The following CHUK variants were observed in gnomAD, a reference collection of about 807,000 sequenced individuals.
CHUK encodes component of inhibitor of nuclear factor kappa B kinase complex.
A neutral mutation model predicts 104.8 loss-of-function variants in CHUK; 35 were observed. The observed-to-expected ratio is 0.33, with a 90% CI of 0.26 to 0.44. The LOEUF (loss-of-function observed/expected upper bound fraction) is 0.44, where lower values mean the gene tolerates loss of function less well. CHUK is among the 20% of genes least tolerant of loss of function. The pLI is 1.00. For missense variants in CHUK, 663 were observed against 902.7 expected (o/e 0.73, Z 3.40); for synonymous variants, 276 against 291.9 (o/e 0.95, Z 0.56).
intron 1 of CHUK, among the ~76,000 whole-genome samples, chr10:100,226,232 C>T (rs546137167): frequency 6.6e-6 from 1 of 152,172 alleles, no homozygotes; most frequent in African/African-American, 2.4e-5. Flanking sequence ...CAACAGCATA[C>T]AAGGGAAAAG....
chr10:100,191,848 G>A (rs1018498167), intron 19 of CHUK, among the ~76,000 whole-genome samples: 4 of 152,204 alleles, frequency 2.6e-5, no homozygotes, highest in African/African-American at 9.7e-5. Flanking sequence ...GCTGGACATG[G>A]TGGCTCATGC....
At chr10:100,194,161 T>A (rs1158116790) in intron 17 of CHUK, 30 bp from the exon 18 acceptor site, 1 of 1,611,410 alleles carries the variant, frequency 6.2e-7, no homozygotes, top group Non-Finnish European at 8.5e-7. Context: ...GTCAGACACT[T>A]TCACATGCCC....
chr10:100,193,644 A>C, intron 18 of CHUK: 1 of 619,298 alleles, frequency 1.6e-6, no homozygotes, highest in Non-Finnish European at 2.8e-6. Context: ...ATATCCACTC[A>C]TCTTATACCA....
intron 1 of CHUK, among the ~76,000 whole-genome samples, chr10:100,226,224 A>G (rs1445319819): frequency 6.6e-6 from 1 of 152,148 alleles, no homozygotes; most frequent in African/African-American, 2.4e-5. Flanking sequence ...CAAACACACA[A>G]CAGCATACAA....
intron 18 of CHUK, 103 bp downstream of exon 18, chr10:100,193,881 T>C (rs1449816739): frequency 9.8e-7 from 1 of 1,020,286 alleles, no homozygotes; most frequent in Non-Finnish European, 1.5e-6. Context: ...ATGCAAAATA[T>C]ACATGTCTTC....
At chr10:100,215,045 G>A (rs1845820590) in intron 9 of CHUK, among the ~76,000 whole-genome samples, 2 of 151,848 alleles carry the variant, frequency 1.3e-5, no homozygotes, top group African/African-American at 4.8e-5. Context: ...GACCAGCCTG[G>A]CCAACATGGT....
At chr10:100,193,479 G>A in intron 18 of CHUK, 48 bp from the exon 19 acceptor site, 1 of 1,607,660 alleles carries the variant, frequency 6.2e-7, no homozygotes, top group Non-Finnish European at 8.5e-7. Context: ...AAGCATCTCT[G>A]TTGATTCACA....
Position 100,205,209 on chromosome 10 carries a change from A to G in CHUK, c.1232-10T>C, listed in dbSNP as rs892082752. On this transcript the variant is annotated splice_polypyrimidine_tract_variant and intron_variant, in intron 11 of 20. Transcript: ENST00000370397. ...ATTTTGCTGTCCTGTACTATATACAAGAAGATGAGAAAAAGGGCAAGGGAG... is the reference window on the plus strand; with the variant it reads ...ATTTTGCTGTCCTGTACTATATACAGGAAGATGAGAAAAAGGGCAAGGGAG... 25 of 1,613,772 alleles carry G rather than the reference A, an allele frequency of 1.5e-5. No individual in the cohort carries two copies. The highest frequency in any genetic ancestry group is 1.9e-5 in the Non-Finnish European group (23 of 1,179,672).
chr10:100,210,697 T>C (rs180870520), intron 9 of CHUK, among the ~76,000 whole-genome samples: 2 of 152,332 alleles, frequency 1.3e-5, no homozygotes, highest in Admixed American at 1.3e-4. Context: ...GGAAAAAGCA[T>C]TGTTATGCGT....
intron 9 of CHUK, 122 bp downstream of exon 9, chr10:100,217,873 T>A: frequency 9.1e-7 from 1 of 1,094,246 alleles, no homozygotes; most frequent in East Asian, 2.6e-5. Flanking sequence ...TGAGACCCTG[T>A]CTCAAAATAA....
At chr10:100,220,440 A>G (rs1845960438) in intron 5 of CHUK, 148 bp downstream of exon 5, 2 of 649,734 alleles carry the variant, frequency 3.1e-6, no homozygotes, top group African/African-American at 1.8e-5. Context: ...AAAACTAAAC[A>G]CAAAACTACA....
In CHUK at chr10:100,189,288, G is replaced by A. The variant is rs1282130757; in HGVS notation, c.*310C>T. The A allele has an allele frequency of 3.1e-6, 1 of 324,748 alleles. No homozygotes were observed. Among genetic ancestry groups the A allele is most frequent in the Non-Finnish European group, 5.7e-6 (1 of 174,536 alleles). The allele number at this position is 324,748 out of a possible 1,614,324, so 20.1% of individuals were successfully genotyped here. A position where few individuals can be genotyped will look rare whatever the true frequency, so the allele number is the denominator to read the frequency against. On this transcript the variant is annotated 3_prime_UTR_variant, in exon 21 of 21. Coordinates refer to ENST00000370397, the MANE Select transcript of CHUK (RefSeq NM_001278.5). ...AAGGTATTTTTAATCAGTTAAATAA[G>A]TAATGTTTTACCAAGACTGAAGGCA... is the stretch of plus-strand genomic sequence containing the variant.
chr10:100,216,554 A>G (rs1338990953), intron 9 of CHUK, among the ~76,000 whole-genome samples: 1 of 152,204 alleles, frequency 6.6e-6, no homozygotes, highest in Non-Finnish European at 1.5e-5. Context: ...AAATTTAAAA[A>G]TTAGGCAGGA....
chr10:100,209,864 G>A (rs1386794213), intron 9 of CHUK, 75 bp from the exon 10 acceptor site: 1 of 700,278 alleles, frequency 1.4e-6, no homozygotes, highest in Non-Finnish European at 2.5e-6. Flanking sequence ...ATACTAAAAG[G>A]TGAATATGGG....
intron 1 of CHUK, 23 bp from the exon 2 acceptor site, chr10:100,226,040 G>GAA (rs572441235): frequency 5.4e-6 from 7 of 1,307,786 alleles, no homozygotes; most frequent in East Asian, 2.4e-5. Flanking sequence ...AAAATCAACA[G>GAA]AAAAAAAAAA....
chr10:100,192,151 A>G (rs1845220611), intron 19 of CHUK, among the ~76,000 whole-genome samples: 1 of 152,206 alleles, frequency 6.6e-6, no homozygotes, highest in African/African-American at 2.4e-5. Flanking sequence ...TCTAGAAAAT[A>G]CATTGAAAAT....
At chr10:100,186,370 C>T, downstream of CHUK, 1 of 248,220 alleles carries the variant, frequency 4.0e-6, no homozygotes. Context: ...CGGAGCCCCA[C>T]TGTGTGGCAC....
chr10:100,194,805 T>G (rs895305253), intron 16 of CHUK: 1 of 234,586 alleles, frequency 4.3e-6, no homozygotes, highest in African/African-American at 2.3e-5. Flanking sequence ...TGGCTATCTT[T>G]AACCCATACT....
chr10:100,204,561 G>A lies in CHUK; in HGVS notation c.1452C>T (p.His484=), dbSNP rs2134221533. 6.2e-7 allele frequency: 1 copy of A among 1,613,410 alleles called. No individual in the cohort carries two copies. Among genetic ancestry groups the A allele is most frequent in the Non-Finnish European group, 8.5e-7 (1 of 1,179,496 alleles). The change falls in exon 13 of 21, where the codon CAC becomes CAT. Residue 484 remains histidine (H), a synonymous_variant. Coordinates refer to ENST00000370397, the MANE Select transcript of CHUK (RefSeq NM_001278.5). The part of the protein sequence containing the change: ...QQLKAKLEFF[H]KSIQLDLERY... Reference sequence around the variant, plus strand: ...TCTCCAAGTCAAGCTGAATGCTTTTGTGAAAAAACTCCAATTTAGCTTTCA... The same window carrying A: ...TCTCCAAGTCAAGCTGAATGCTTTTATGAAAAAACTCCAATTTAGCTTTCA...
Sources: allele counts gnomAD v4.1 joint callset (sites outside exome capture counted in the v4.1 genomes callset), GRCh38; gene constraint gnomAD v4.1.1; transcripts MANE v1.5; gene names NCBI Gene and HGNC (gene_info 2026-07-23, HGNC 2026-07-21).